Variants in ZNF33A observed in about 807,000 individuals in gnomAD.
ZNF33A encodes the protein brain my041 protein.
Under a neutral mutation model 15.9 loss-of-function variants are expected in ZNF33A, and 9 were observed. The ratio of observed to expected loss-of-function variants is 0.57; its 90% CI spans 0.34 to 0.99. The LOEUF is 0.99. Among genes scored for constraint, ZNF33A ranks in the 50% least tolerant of loss-of-function variants. The pLI is 0.02. For missense variants in ZNF33A, 843 were observed against 941.6 expected (o/e 0.90, Z 1.37); for synonymous variants, 294 against 324.2 (o/e 0.91, Z 1.00).
intron 4 of ZNF33A, among the ~76,000 whole-genome samples, chr10:38,051,141 G>T (rs1453758906): frequency 6.6e-6 from 1 of 152,052 alleles, no homozygotes; most frequent in Non-Finnish European, 1.5e-5. Context: ...TGCAAATCAT[G>T]AAGCCATTTT....
intron 1 of ZNF33A, 59 bp from the exon 2 acceptor site, chr10:38,012,239 C>G: frequency 6.4e-7 from 1 of 1,573,064 alleles, no homozygotes; most frequent in East Asian, 2.2e-5. Context: ...GCGGAAGAAT[C>G]CAGGAGTTGC....
At chr10:38,020,860 G>T (rs372469347) in intron 4 of ZNF33A, among the ~76,000 whole-genome samples, 3 of 152,204 alleles carry the variant, frequency 2.0e-5, no homozygotes, top group Non-Finnish European at 1.5e-5. Flanking sequence ...CTAGCAGTGG[G>T]ATTGCTGGAT....
chr10:38,060,109 T>G, downstream of ZNF33A: 1 of 983,692 alleles, frequency 1.0e-6, no homozygotes, highest in Non-Finnish European at 1.2e-6. Context: ...AGTTGTATGT[T>G]TCTGACTGAA....
At chr10:38,010,980 G>C (rs1014423380) in intron 1 of ZNF33A, among the ~76,000 whole-genome samples, 197 bp downstream of exon 1, 2 of 152,142 alleles carry the variant, frequency 1.3e-5, no homozygotes, top group Admixed American at 6.5e-5. Context: ...ACGGAGCAGG[G>C]TACGCAGCGT....
intron 4 of ZNF33A, among the ~76,000 whole-genome samples, chr10:38,032,475 C>T (rs1206545773): frequency 3.3e-5 from 5 of 152,070 alleles, no homozygotes; most frequent in African/African-American, 1.2e-4. Flanking sequence ...TGGAGTCTTG[C>T]TCTGTTGCCC....
chr10:38,038,088 T>C (rs990794804), intron 4 of ZNF33A, among the ~76,000 whole-genome samples: 2 of 152,228 alleles, frequency 1.3e-5, no homozygotes, highest in Non-Finnish European at 2.9e-5. Flanking sequence ...ATTAAAGTTA[T>C]AAGTATTTTA....
chr10:38,036,170 TG>T (rs2065445269), intron 4 of ZNF33A, among the ~76,000 whole-genome samples: 5 of 152,214 alleles, frequency 3.3e-5, no homozygotes. Context: ...CCGGGTACGT[TG>T]GCTTATGCTT....
rs1383672904 is a variant in ZNF33A at position 38,055,487 on chromosome 10, C to T, written c.1363C>T (p.His455Tyr). Residue 455 changes from histidine (H) to tyrosine (Y), a missense_variant, in exon 5 of 5, where the codon CAC (histidine) becomes TAC (tyrosine). By Grantham distance (83) the His-to-Tyr change is moderately conservative. Coordinates refer to ENST00000432900, the MANE Select transcript of ZNF33A (RefSeq NM_006954.2). Reference sequence around the variant, plus strand: ...TGGAAAATCCTTCCGTGTGACTTCGCACCTTAAAGTACACCAGAGAACTCA... The same window carrying T: ...TGGAAAATCCTTCCGTGTGACTTCGTACCTTAAAGTACACCAGAGAACTCA... ...ECGKSFRVTS[H>Y]LKVHQRTHTG... 2.5e-6 allele frequency: 4 copies of T among 1,613,284 alleles called. No homozygotes were observed. Among genetic ancestry groups the T allele is most frequent in the South Asian group, 1.1e-5 (1 of 91,028 alleles).
chr10:38,026,459 C>T (rs1290390960), intron 4 of ZNF33A, among the ~76,000 whole-genome samples: 12 of 152,254 alleles, frequency 7.9e-5, no homozygotes, highest in Non-Finnish European at 1.5e-4. Context: ...CTCAGCTTCC[C>T]GAGTAGCTGG....
chr10:38,053,033 T>C (rs2066281281), intron 4 of ZNF33A, among the ~76,000 whole-genome samples: 1 of 152,052 alleles, frequency 6.6e-6, no homozygotes, highest in Non-Finnish European at 1.5e-5. Context: ...CAGAACTTTC[T>C]TTCTGATCCA....
chr10:38,019,206 A>G (rs556801731), intron 4 of ZNF33A, among the ~76,000 whole-genome samples: 25 of 151,656 alleles, frequency 1.6e-4, no homozygotes, highest in South Asian at 6.3e-4. Context: ...TCATTGTTCA[A>G]TTCTCACCTG....
chr10:38,040,258 G>A (rs544184935), intron 4 of ZNF33A, among the ~76,000 whole-genome samples: 1 of 152,078 alleles, frequency 6.6e-6, no homozygotes, highest in Non-Finnish European at 1.5e-5. Context: ...TACTTTTGAA[G>A]CATACCTGCT....
chr10:38,017,614 C>A, intron 4 of ZNF33A: 1 of 312,978 alleles, frequency 3.2e-6, no homozygotes, highest in Non-Finnish European at 5.9e-6. Context: ...CTTACACCTG[C>A]CAATAGTTCA....
chr10:38,010,527 C>A, upstream of ZNF33A: 1 of 680,808 alleles, frequency 1.5e-6, no homozygotes, highest in East Asian at 2.6e-5. Context: ...CAGACCGCAT[C>A]TGCCCACTGC....
At chr10:38,064,012 C>T, downstream of ZNF33A, 1 of 1,401,750 alleles carries the variant, frequency 7.1e-7, no homozygotes, top group African/African-American at 1.4e-5. Flanking sequence ...GAAAAGAGGG[C>T]TTTCAGGCCA....
intron 2 of ZNF33A, 72 bp downstream of exon 2, chr10:38,012,422 TTTG>T: frequency 9.0e-5 from 121 of 1,345,520 alleles, no homozygotes; most frequent in Admixed American, 2.7e-4. Flanking sequence ...CGATATGGTG[TTTG>T]TTTTTTTTTT....
At chr10:38,022,850 A>G (rs2064814757) in intron 4 of ZNF33A, among the ~76,000 whole-genome samples, 1 of 152,160 alleles carries the variant, frequency 6.6e-6, no homozygotes, top group African/African-American at 2.4e-5. Context: ...CAAGTACAAG[A>G]GAGTTGTAGT....
chr10:38,057,585 C>T lies in ZNF33A; in HGVS notation c.*1025C>T. 1 of 983,190 alleles carries T rather than the reference C, an allele frequency of 1.0e-6. No individual in the cohort carries two copies. The highest frequency in any genetic ancestry group is 5.2e-4 in the Middle Eastern group (1 of 1,908). The allele number at this position is 983,190 out of a possible 1,614,324, so 60.9% of individuals were successfully genotyped here. A position where few individuals can be genotyped will look rare whatever the true frequency, so the allele number is the denominator to read the frequency against. On this transcript the variant is annotated 3_prime_UTR_variant, in exon 5 of 5. Coordinates refer to ENST00000432900, the MANE Select transcript of ZNF33A (RefSeq NM_006954.2). ...CTGAAACAATTTAAAAGGAGACCCA[C>T]AGAGCTAATGTTTATCCATTTAAAA...
chr10:38,012,031 C>T (rs1450149136), intron 1 of ZNF33A, among the ~76,000 whole-genome samples: 2 of 152,072 alleles, frequency 1.3e-5, no homozygotes, highest in Admixed American at 6.6e-5. Flanking sequence ...CCTTAGGAAG[C>T]AAATATTTAC....
Sources: gnomAD v4.1 joint callset for allele counts (sites outside exome capture counted in the v4.1 genomes callset) on GRCh38, gnomAD v4.1.1 for gene constraint, MANE v1.5 for transcripts, NCBI Gene and HGNC (gene_info 2026-07-23, HGNC 2026-07-21) for gene names.